The following RXRA variants were observed in gnomAD, a reference collection of about 807,000 sequenced individuals.
The protein encoded by RXRA is retinoid X receptor alpha, also known as retinoic acid receptor RXR-alpha.
A neutral mutation model predicts 44.5 loss-of-function variants in RXRA; 5 were observed. That is an observed-to-expected ratio of 0.11 (90% CI 0.06 to 0.24). The LOEUF (loss-of-function observed/expected upper bound fraction) is 0.24, where lower values mean the gene tolerates loss of function less well. RXRA is among the 10% of genes least tolerant of loss of function. RXRA has a pLI of 1.00. For missense variants in RXRA, 412 were observed against 646.5 expected, an observed-to-expected ratio of 0.64 and a Z score of 3.93; for synonymous variants, 291 against 271.4, an observed-to-expected ratio of 1.07 and a Z score of -0.71.
chr9:134,410,884 G>A (rs1831137656), intron 4 of RXRA, among the ~76,000 whole-genome samples: 1 of 152,240 alleles, frequency 6.6e-6, no homozygotes, highest in Non-Finnish European at 1.5e-5. Context: ...TGGGCCTGCA[G>A]CAGTAAGCTC....
Position 134,380,015 on chromosome 9 carries a change from C to T in RXRA, c.29-21617C>T, listed in dbSNP as rs539387376. 4.7e-5 allele frequency: 46 copies of T among 985,438 alleles called. 1 individual carries two copies. In the South Asian group the frequency reaches 1.1e-3, roughly 24 times the overall value. The allele number at this position is 985,438 out of a possible 1,614,324, so 61.0% of individuals were successfully genotyped here. ...TTCAGGATTAGGGACTGAAGCCCAG[C>T]AGGGGCTCCCTTTTCTGTGCCCCCT... On this transcript the variant is annotated intron_variant, in intron 1 of 9. Transcript: ENST00000481739.
intron 1 of RXRA, among the ~76,000 whole-genome samples, chr9:134,339,693 CTGTG>C (rs1403892963): frequency 4.2e-4 from 45 of 106,000 alleles, no homozygotes; most frequent in African/African-American, 1.5e-3. Flanking sequence ...GTGTGTGTCT[CTGTG>C]TGTGTGCCTG....
At position 134,433,734 on chromosome 9, in the gene RXRA, G is replaced by A. The variant is rs35362167; in HGVS notation, c.1136-368G>A. ...GTTATGGGGCTGGGACCCAAGGGCA[G>A]CAGCAGCATCCATTGTCTCTCCCAG... On this transcript the variant is annotated intron_variant, in intron 8 of 9. Transcript: ENST00000481739. The surrounding 1 kb of genome is among the most constrained non-coding windows in gnomAD (Gnocchi z 4.2). Among the ~76,000 whole-genome samples the A allele has an allele frequency of 2.6e-5, 4 of 152,202 alleles. No individual in the cohort carries two copies. The East Asian group carries it at 7.7e-4, about 29-fold the overall frequency.
chr9:134,407,409 G>A lies in RXRA; in HGVS notation c.280-740G>A, dbSNP rs960729906. Among the ~76,000 whole-genome samples the A allele has an allele frequency of 3.3e-5, 5 of 152,208 alleles. No individual in the cohort carries two copies. The highest frequency in any genetic ancestry group is 4.8e-5 in the African/African-American group (2 of 41,456). ...CAGCGGGAAGCGCCTGTGGGTCCTC[G>A]GCGCTGACTGCAGAGCTGGGTGGAG... On this transcript the variant is annotated intron_variant, in intron 2 of 9. Coordinates refer to ENST00000481739, the MANE Select transcript of RXRA (RefSeq NM_002957.6). The surrounding 1 kb of genome is among the most constrained non-coding windows in gnomAD (Gnocchi z 4.8).
rs549302372 is a variant in RXRA, at chr9:134,417,638, G to A, written c.780+311G>A. Among the ~76,000 whole-genome samples the A allele has an allele frequency of 2.2e-4, 34 of 152,174 alleles. No homozygotes were observed. The highest frequency in any genetic ancestry group is 7.9e-4 in the African/African-American group (33 of 41,530). On this transcript the variant is annotated intron_variant, in intron 5 of 9. Transcript: ENST00000481739. The surrounding 1 kb of genome is among the most constrained non-coding windows in gnomAD (Gnocchi z 6.1). ...CACCTCTGCTGGGGCCTCAGCCGCC[G>A]TGTCCCCTCGGAGTTTGGCCTGTCT...
chr9:134,432,403 C>T (rs1371028168), intron 8 of RXRA, among the ~76,000 whole-genome samples: 1 of 152,200 alleles, frequency 6.6e-6, no homozygotes, highest in Non-Finnish European at 1.5e-5. Context: ...CCGGGTGTTC[C>T]AGAGGGGACC....
chr9:134,397,367 T>A (rs997653547), intron 1 of RXRA, among the ~76,000 whole-genome samples: 4 of 152,164 alleles, frequency 2.6e-5, no homozygotes, highest in Non-Finnish European at 2.9e-5. Context: ...GGATCTGCCA[T>A]CTGGGGGCCC....
chr9:134,383,315 C>T (rs989895835), intron 1 of RXRA, among the ~76,000 whole-genome samples: 29 of 152,064 alleles, frequency 1.9e-4, no homozygotes, highest in Non-Finnish European at 2.9e-5. Context: ...GTGGGTGTGG[C>T]GGGCTGGGAG....
Position 134,408,143 on chromosome 9 carries a change from C to A in RXRA, c.280-6C>A. The A allele has an allele frequency of 3.9e-6, 6 of 1,546,042 alleles. No homozygotes were observed. Among genetic ancestry groups the A allele is most frequent in the Admixed American group, 2.0e-5 (1 of 49,092 alleles). On this transcript the variant is annotated splice_polypyrimidine_tract_variant and splice_region_variant and intron_variant, in intron 2 of 9. Coordinates refer to ENST00000481739, the MANE Select transcript of RXRA (RefSeq NM_002957.6). ...CCCCGCTGACTGCTGTGGTTGCCCC[C>A]CCCAGCTCAGCTCACCTATGAACCC...
chr9:134,423,798 C>T, intron 6 of RXRA: 5 of 985,464 alleles, frequency 5.1e-6, no homozygotes, highest in South Asian at 4.7e-5. Flanking sequence ...CCTGGCTTTG[C>T]CAGCTGCAGG....
rs1478851499 is a variant in RXRA at position 134,434,040 on chromosome 9, G to T, written c.1136-62G>T. ...GAGACCCCACACAAGCCTGGGTCCT[G>T]GGGGCAGGTGCCCGAGACACGCCCC... is the stretch of plus-strand genomic sequence containing the variant. On this transcript the variant is annotated intron_variant, in intron 8 of 9. Coordinates refer to ENST00000481739, the MANE Select transcript of RXRA (RefSeq NM_002957.6). 3.1e-6 allele frequency: 4 copies of T among 1,293,098 alleles called. No homozygotes were observed. In the African/African-American group the frequency reaches 5.8e-5, roughly 19 times the overall value. 80.1% of individuals were successfully genotyped at this position (1,293,098 alleles called of 1,614,324 possible). A position where few individuals can be genotyped will look rare whatever the true frequency, so the allele number is the denominator to read the frequency against.
chr9:134,358,034 C>T (rs1383327621), intron 1 of RXRA, among the ~76,000 whole-genome samples: 4 of 152,242 alleles, frequency 2.6e-5, no homozygotes, highest in Admixed American at 2.6e-4. Flanking sequence ...TGCTCCCCGA[C>T]ATCCCTGCTG....
intron 1 of RXRA, among the ~76,000 whole-genome samples, chr9:134,381,339 TTAGCTAG>T (rs1282103037): frequency 6.6e-6 from 1 of 152,090 alleles, no homozygotes; most frequent in East Asian, 1.9e-4. Context: ...AGCTCAGACC[TTAGCTAG>T]TGCTGACCGC....
intron 9 of RXRA, 36 bp downstream of exon 9, chr9:134,434,243 C>T: frequency 6.7e-7 from 1 of 1,501,136 alleles, no homozygotes; most frequent in Non-Finnish European, 9.2e-7. Context: ...ACCCCAGACC[C>T]AGGCTCTTGT....
At chr9:134,333,723 A>C (rs936281594) in intron 1 of RXRA, among the ~76,000 whole-genome samples, 1 of 152,154 alleles carries the variant, frequency 6.6e-6, no homozygotes, top group African/African-American at 2.4e-5. Flanking sequence ...TAATTGACCA[A>C]TTTAGCTTAA....
intron 1 of RXRA, among the ~76,000 whole-genome samples, chr9:134,373,689 G>C (rs1830517679): frequency 1.3e-5 from 2 of 152,300 alleles, no homozygotes; most frequent in South Asian, 4.1e-4. Flanking sequence ...GGAGGGAGGT[G>C]AGTGGCACCT....
intron 1 of RXRA, among the ~76,000 whole-genome samples, chr9:134,389,437 G>A (rs1830768593): frequency 6.6e-6 from 1 of 152,072 alleles, no homozygotes; most frequent in African/African-American, 2.4e-5. Flanking sequence ...CCGGGCTGGG[G>A]GCTTTGGACT....
In RXRA at chr9:134,426,460, A is replaced by AGGGACAG. The variant is rs1316679844; in HGVS notation, c.911-2636_911-2630dup. The AGGGACAG allele has an allele frequency of 2.0e-6, 2 of 985,264 alleles. No individual in the cohort carries two copies. The highest frequency in any genetic ancestry group is 2.4e-6 in the Non-Finnish European group (2 of 829,924). 61.0% of individuals were successfully genotyped at this position (985,264 alleles called of 1,614,324 possible). On this transcript the variant is annotated intron_variant, in intron 6 of 9. Transcript: ENST00000481739. The surrounding 1 kb of genome is among the most constrained non-coding windows in gnomAD (Gnocchi z 4.6). Reference sequence around the variant, plus strand: ...TAACCGAGTGAGGACATCGGGGTGGAGGGACAGGGGACAGGGGAGCTGAGA... The same window carrying AGGGACAG: ...TAACCGAGTGAGGACATCGGGGTGGAGGGACAGGGGACAGGGGACAGGGGAGCTGAGA...
intron 1 of RXRA, among the ~76,000 whole-genome samples, chr9:134,329,489 C>T (rs1834970200): frequency 6.6e-6 from 1 of 152,238 alleles, no homozygotes; most frequent in Non-Finnish European, 1.5e-5. Flanking sequence ...CCAACCTTGC[C>T]TAGGGCTGGC....
Sources: allele counts gnomAD v4.1 joint callset (sites outside exome capture counted in the v4.1 genomes callset), GRCh38; gene constraint gnomAD v4.1.1; non-coding constraint Gnocchi (gnomAD v3.1); transcripts MANE v1.5; gene names NCBI Gene and HGNC (gene_info 2026-07-23, HGNC 2026-07-21).